Variants in SHROOM3 observed in about 807,000 individuals in gnomAD.
The protein encoded by SHROOM3 is protein Shroom3.
Under a neutral mutation model 138.6 loss-of-function variants are expected in SHROOM3, and 47 were observed. The observed-to-expected ratio is 0.34, with a 90% CI of 0.27 to 0.43. SHROOM3 has a LOEUF of 0.43. Ranked by LOEUF, SHROOM3 falls within the 20% of genes least tolerant of loss-of-function variation. The pLI is 1.00. For synonymous variants in SHROOM3, 1,062 were observed against 1,063.3 expected (o/e 1.00, Z 0.02); for missense variants, 2,491 against 2,596.5 (o/e 0.96, Z 0.88).
Position 76,730,927 on chromosome 4 carries a change from C to T in SHROOM3, c.579C>T (p.Tyr193=), listed in dbSNP as rs1356130892. Residue 193 remains tyrosine (Y), a synonymous_variant, in exon 4 of 11, where the codon TAC becomes TAT. Coordinates refer to ENST00000296043, the MANE Select transcript of SHROOM3 (RefSeq NM_020859.4). The part of the protein sequence containing the change: ...GMIGPPWHQS[Y]HSSSSTSDLS... ...TCGGCCCTCCTTGGCACCAAAGCTA[C>T]CATTCCAGGTAAGTGGCTATAGCTG... The T allele has an allele frequency of 6.2e-7, 1 of 1,614,062 alleles. No homozygotes were observed. The highest frequency in any genetic ancestry group is 8.5e-7 in the Non-Finnish European group (1 of 1,179,988).
chr4:76,649,007 T>C (rs1314888610), intron 2 of SHROOM3, among the ~76,000 whole-genome samples: 2 of 152,196 alleles, frequency 1.3e-5, no homozygotes, highest in Non-Finnish European at 2.9e-5. Flanking sequence ...AAATGAACTT[T>C]AAATAAAGGC....
chr4:76,669,241 G>A (rs553973641), intron 2 of SHROOM3, among the ~76,000 whole-genome samples: 34 of 152,230 alleles, frequency 2.2e-4, no homozygotes, highest in African/African-American at 7.9e-4. Flanking sequence ...AACCAAGGAC[G>A]GTTTTATAAC....
intron 1 of SHROOM3, among the ~76,000 whole-genome samples, chr4:76,505,003 T>C (rs1732180940): frequency 6.6e-6 from 1 of 152,252 alleles, no homozygotes; most frequent in African/African-American, 2.4e-5. Flanking sequence ...TTTGATTCTC[T>C]ACAATTACTT....
intron 2 of SHROOM3, among the ~76,000 whole-genome samples, chr4:76,615,396 G>T (rs1279846184): frequency 1.3e-5 from 2 of 152,198 alleles, no homozygotes; most frequent in African/African-American, 4.8e-5. Context: ...GTCCTGATTT[G>T]AAATGAATGA....
At chr4:76,508,770 T>A (rs1401057930) in intron 1 of SHROOM3, among the ~76,000 whole-genome samples, 1 of 152,202 alleles carries the variant, frequency 6.6e-6, no homozygotes, top group Non-Finnish European at 1.5e-5. Flanking sequence ...ATGGTACATT[T>A]TTGCTGCCAT....
intron 5 of SHROOM3, among the ~76,000 whole-genome samples, chr4:76,742,616 C>T (rs1395376319): frequency 1.3e-5 from 2 of 152,158 alleles, no homozygotes; most frequent in Non-Finnish European, 2.9e-5. Context: ...GCACCAAATG[C>T]TGCAAGGATT....
chr4:76,624,965 G>T (rs1735099061), intron 2 of SHROOM3, among the ~76,000 whole-genome samples: 1 of 152,146 alleles, frequency 6.6e-6, no homozygotes, highest in Non-Finnish European at 1.5e-5. Flanking sequence ...TCAGTACAAT[G>T]ATATTATATT....
At chr4:76,694,846 C>T (rs558403173) in intron 2 of SHROOM3, among the ~76,000 whole-genome samples, 1 of 152,296 alleles carries the variant, frequency 6.6e-6, no homozygotes, top group African/African-American at 2.4e-5. Context: ...ATTTTATCTT[C>T]CTCACACTCC....
At chr4:76,778,402 A>C (rs1387623986) in intron 10 of SHROOM3, among the ~76,000 whole-genome samples, 3 of 151,974 alleles carry the variant, frequency 2.0e-5, no homozygotes, top group African/African-American at 7.2e-5. Flanking sequence ...TTGTATTTTT[A>C]GTAGAGACGG....
chr4:76,607,679 AT>A (rs946851235), intron 2 of SHROOM3, among the ~76,000 whole-genome samples: 24 of 149,426 alleles, frequency 1.6e-4, no homozygotes, highest in East Asian at 3.9e-4. Context: ...TGAGGGGTGC[AT>A]TTTTTTTTTC....
chr4:76,472,876 G>A (rs1731406861), intron 1 of SHROOM3, among the ~76,000 whole-genome samples: 1 of 152,068 alleles, frequency 6.6e-6, no homozygotes, highest in South Asian at 2.1e-4. Flanking sequence ...TGTATTTTTA[G>A]TAGAGACGGA....
At chr4:76,507,190 G>T (rs1001598449) in intron 1 of SHROOM3, among the ~76,000 whole-genome samples, 2 of 152,190 alleles carry the variant, frequency 1.3e-5, no homozygotes, top group Non-Finnish European at 2.9e-5. Flanking sequence ...GTTGGTCCAT[G>T]TCTGATCAAG....
At chr4:76,659,849 T>C (rs2110092546) in intron 2 of SHROOM3, among the ~76,000 whole-genome samples, 1 of 152,356 alleles carries the variant, frequency 6.6e-6, no homozygotes, top group Admixed American at 6.5e-5. Context: ...CCCAAAGTGC[T>C]GGGATTACAG....
rs573420334 is a variant in SHROOM3 at position 76,664,534 on chromosome 4, C to T, written c.324-45622C>T. On this transcript the variant is annotated intron_variant, in intron 2 of 10. Coordinates refer to ENST00000296043, the MANE Select transcript of SHROOM3 (RefSeq NM_020859.4). This position sits in a 1 kb window ranked among gnomAD's most constrained non-coding sequence, Gnocchi z 4.2. ...TAAAATAGTCGTGATGATGATGATG[C>T]CTGCCATTCATCCCCAGAAATTCTG... Among the ~76,000 whole-genome samples, 25 of 152,238 alleles carry T rather than the reference C, an allele frequency of 1.6e-4. No individual in the cohort carries two copies. The South Asian group carries it at 1.7e-3, about 10-fold the overall frequency.
intron 4 of SHROOM3, among the ~76,000 whole-genome samples, chr4:76,731,953 G>C (rs777220380): frequency 2.0e-5 from 3 of 152,124 alleles, no homozygotes; most frequent in Non-Finnish European, 4.4e-5. Context: ...ACTGTTTGTT[G>C]TATGGGTCAA....
rs1483287063 is a variant in SHROOM3 at position 76,775,844 on chromosome 4, C to T, written c.5623-2965C>T. Among the ~76,000 whole-genome samples the T allele has an allele frequency of 7.3e-5, 11 of 151,596 alleles. No individual in the cohort carries two copies. In the South Asian group the frequency reaches 1.0e-3, roughly 14 times the overall value. ...ACACACACACACACATACATATATACACACATACCACATTTTCTTTATCCA... is the reference window on the plus strand; with the variant it reads ...ACACACACACACACATACATATATATACACATACCACATTTTCTTTATCCA... On this transcript the variant is annotated intron_variant, in intron 10 of 10. Transcript: ENST00000296043.
intron 1 of SHROOM3, among the ~76,000 whole-genome samples, chr4:76,453,054 A>T (rs958024883): frequency 3.3e-5 from 5 of 152,066 alleles, no homozygotes; most frequent in Admixed American, 1.3e-4. Flanking sequence ...GTGTGTACAG[A>T]TATTTTGGTG....
rs1287354774 is a variant in SHROOM3, at chr4:76,435,618, G to T, written c.-435G>T. The T allele has an allele frequency of 6.5e-6, 1 of 152,844 alleles. No individual in the cohort carries two copies. Among genetic ancestry groups the T allele is most frequent in the East Asian group, 1.9e-4 (1 of 5,202 alleles). The allele number at this position is 152,844 out of a possible 1,614,324, so 9.5% of individuals were successfully genotyped here. On this transcript the variant is annotated 5_prime_UTR_variant, in exon 1 of 11. The change creates a new upstream start codon in the 5' untranslated region. Transcript: ENST00000296043. ...AGGGTTGATAATCAATCAAAAATGA[G>T]GTATTCCTTTGAGTATTTGTGATTT...
intron 1 of SHROOM3, among the ~76,000 whole-genome samples, chr4:76,485,691 C>T (rs1057101721): frequency 2.0e-5 from 3 of 152,084 alleles, no homozygotes; most frequent in African/African-American, 4.8e-5. Flanking sequence ...CTTTATGTAT[C>T]GCCTCTTTGT....
Sources: allele counts gnomAD v4.1 joint callset (sites outside exome capture counted in the v4.1 genomes callset), GRCh38; gene constraint gnomAD v4.1.1; non-coding constraint Gnocchi (gnomAD v3.1); transcripts MANE v1.5; gene names NCBI Gene and HGNC (gene_info 2026-07-23, HGNC 2026-07-21).